CHCHD6: variants seen among roughly 807,000 people sequenced by gnomAD.
The protein encoded by CHCHD6 is coiled-coil-helix-coiled-coil-helix domain containing 6, also known as MICOS complex subunit MIC25.
CHCHD6 carries 28 observed loss-of-function variants against 32.3 expected under a neutral mutation model. The observed-to-expected ratio is 0.87, with a 90% CI of 0.64 to 1.19. CHCHD6 has a LOEUF of 1.19. CHCHD6 is among the 50% of genes most tolerant of loss of function. The probability of loss-of-function intolerance (pLI) is 0.00; values close to 1 mark genes in which losing one functional copy is unlikely to be tolerated. For synonymous variants in CHCHD6, 122 were observed against 117.5 expected (o/e 1.04, Z -0.25); for missense variants, 333 against 307.0 (o/e 1.08, Z -0.63).
Position 126,717,092 on chromosome 3 carries a change from G to A in CHCHD6, c.88-9986G>A, listed in dbSNP as rs180878299. Reference sequence around the variant, plus strand: ...TAAGCACGCAGGCCGGGGTCAGGCGGCTTTCCCTGCAGTCAGGCTTTGGTC... The same window carrying A: ...TAAGCACGCAGGCCGGGGTCAGGCGACTTTCCCTGCAGTCAGGCTTTGGTC... On this transcript the variant is annotated intron_variant, in intron 1 of 7. Transcript: ENST00000290913. Among the ~76,000 whole-genome samples, 5 of 152,288 alleles carry A rather than the reference G, an allele frequency of 3.3e-5. No individual in the cohort carries two copies. The East Asian group carries it at 9.7e-4, about 29-fold the overall frequency.
intron 4 of CHCHD6, among the ~76,000 whole-genome samples, chr3:126,780,094 TA>T (rs919559641): frequency 1.3e-5 from 2 of 152,232 alleles, no homozygotes; most frequent in Admixed American, 1.3e-4. Flanking sequence ...TCTGTGTATT[TA>T]AAAAACAAAG....
intron 6 of CHCHD6, among the ~76,000 whole-genome samples, chr3:126,938,746 AGGCTCCCTCAGGACTGAGGGGGCTGTGT>A (rs144139725): frequency 0.031 from 4,708 of 152,210 alleles, 162 homozygotes; most frequent in East Asian, 0.16. Context: ...GTGGCCCTGT[AGGCTCCCTCAGGACTGAGGGGGCTGTGT>A]GGCTCCCACA....
chr3:126,960,175 T>C (rs372318201), intron 7 of CHCHD6, 21 bp from the exon 8 acceptor site: 463 of 1,551,486 alleles, frequency 3.0e-4, no homozygotes, highest in Non-Finnish European at 3.7e-4. Flanking sequence ...CTGACTCAAC[T>C]CTGACCTGTT....
chr3:126,729,558 A>G lies in CHCHD6; in HGVS notation c.197-1003A>G, dbSNP rs1029952581. On this transcript the variant is annotated intron_variant, in intron 2 of 7. Transcript: ENST00000290913. ...CAAATAAATAAGCATGGCGAGCACT[A>G]GTGTGGAGATGAAACCCCGCAGCAG... Among the ~76,000 whole-genome samples the G allele has an allele frequency of 1.2e-4, 19 of 152,192 alleles. 1 individual carries two copies. Among genetic ancestry groups the G allele is most frequent in the African/African-American group, 9.7e-5 (4 of 41,442 alleles).
chr3:126,879,144 G>T (rs1416615850), intron 5 of CHCHD6, among the ~76,000 whole-genome samples: 1 of 152,214 alleles, frequency 6.6e-6, no homozygotes, highest in African/African-American at 2.4e-5. Context: ...TTGCAGTCTA[G>T]CCTTGTTGAT....
intron 4 of CHCHD6, among the ~76,000 whole-genome samples, chr3:126,810,790 A>G (rs1488231390): frequency 2.0e-5 from 3 of 152,252 alleles, no homozygotes; most frequent in Admixed American, 2.0e-4. Flanking sequence ...GAGAAGGCTC[A>G]GTATGGATGC....
At chr3:126,920,290 C>T (rs182109727) in intron 6 of CHCHD6, among the ~76,000 whole-genome samples, 673 of 147,944 alleles carry the variant, frequency 4.5e-3, no homozygotes, top group Non-Finnish European at 7.9e-3. Flanking sequence ...ATATTAGTTA[C>T]AGTTATTTTA....
At chr3:126,709,835 T>C (rs1441878187) in intron 1 of CHCHD6, among the ~76,000 whole-genome samples, 1 of 152,278 alleles carries the variant, frequency 6.6e-6, no homozygotes, top group Non-Finnish European at 1.5e-5. Flanking sequence ...ATTGGATTAT[T>C]TGTCTTTTTA....
intron 4 of CHCHD6, among the ~76,000 whole-genome samples, chr3:126,815,643 G>GGCCCCC (rs1491515525): frequency 1.6e-5 from 2 of 127,634 alleles, no homozygotes; most frequent in African/African-American, 5.9e-5. Context: ...GTGGGTTCTT[G>GGCCCCC]CCCCCCCCCC....
chr3:126,808,904 A>C (rs1226302985), intron 4 of CHCHD6, among the ~76,000 whole-genome samples: 1 of 152,102 alleles, frequency 6.6e-6, no homozygotes, highest in African/African-American at 2.4e-5. Context: ...CATAATAAGC[A>C]GATGTTATTG....
chr3:126,742,559 G>A (rs1377454711), intron 4 of CHCHD6, among the ~76,000 whole-genome samples: 1 of 152,182 alleles, frequency 6.6e-6, no homozygotes, highest in Non-Finnish European at 1.5e-5. Flanking sequence ...GGTCATGAGG[G>A]CTCTGCCATG....
At chr3:126,945,077 C>T (rs1456407546) in intron 6 of CHCHD6, among the ~76,000 whole-genome samples, 3 of 152,152 alleles carry the variant, frequency 2.0e-5, no homozygotes, top group East Asian at 1.9e-4. Flanking sequence ...TTTACGGGGG[C>T]GTTTTAGGCT....
At chr3:126,803,167 A>G (rs890236215) in intron 4 of CHCHD6, among the ~76,000 whole-genome samples, 46 of 152,292 alleles carry the variant, frequency 3.0e-4, no homozygotes, top group Non-Finnish European at 5.3e-4. Flanking sequence ...TAACGAGCAA[A>G]ATAACCAGCT....
chr3:126,764,200 C>CGCAT (rs367644239), intron 4 of CHCHD6, among the ~76,000 whole-genome samples: 4 of 139,816 alleles, frequency 2.9e-5, no homozygotes, highest in Admixed American at 1.4e-4. Flanking sequence ...TACATACATG[C>CGCAT]ATATATATAT....
intron 4 of CHCHD6, among the ~76,000 whole-genome samples, chr3:126,774,426 T>C (rs953074979): frequency 9.8e-5 from 15 of 152,346 alleles, no homozygotes; most frequent in Admixed American, 8.5e-4. Context: ...GTAAATATCA[T>C]ACGATATCAA....
chr3:126,795,248 T>C (rs1304024658), intron 4 of CHCHD6, among the ~76,000 whole-genome samples: 1 of 152,160 alleles, frequency 6.6e-6, no homozygotes, highest in Non-Finnish European at 1.5e-5. Flanking sequence ...TTATAAGGTG[T>C]TTTCCCTAAA....
intron 4 of CHCHD6, among the ~76,000 whole-genome samples, chr3:126,809,552 A>G (rs1405765906): frequency 6.6e-6 from 1 of 152,174 alleles, no homozygotes; most frequent in Non-Finnish European, 1.5e-5. Flanking sequence ...TTCACTCAGA[A>G]TTGTGTAAGC....
chr3:126,916,661 CTGG>C (rs1266075735), intron 6 of CHCHD6, among the ~76,000 whole-genome samples: 2 of 152,210 alleles, frequency 1.3e-5, no homozygotes, highest in African/African-American at 4.8e-5. Context: ...CCTGCCCCCA[CTGG>C]TGGTCAGCTC....
intron 4 of CHCHD6, among the ~76,000 whole-genome samples, chr3:126,794,859 G>GT (rs1938716955): frequency 6.6e-6 from 1 of 152,184 alleles, no homozygotes; most frequent in Non-Finnish European, 1.5e-5. Context: ...TGTAGATGCA[G>GT]TCCCTAGGAC....
Sources: gnomAD v4.1 joint callset for allele counts (sites outside exome capture counted in the v4.1 genomes callset) on GRCh38, gnomAD v4.1.1 for gene constraint, MANE v1.5 for transcripts, NCBI Gene and HGNC (gene_info 2026-07-23, HGNC 2026-07-21) for gene names.